GALNTL6: variants seen among roughly 807,000 people sequenced by gnomAD.
GALNTL6 encodes polypeptide N-acetylgalactosaminyltransferase-like 6.
A neutral mutation model predicts 73.7 loss-of-function variants in GALNTL6; 46 were observed. The observed-to-expected ratio is 0.62, with a 90% CI of 0.49 to 0.80. The LOEUF (loss-of-function observed/expected upper bound fraction) is 0.80. Ranked by LOEUF, GALNTL6 falls within the 30% of genes least tolerant of loss-of-function variation. GALNTL6 has a pLI of 0.00. For missense variants in GALNTL6, 604 were observed against 755.0 expected, an observed-to-expected ratio of 0.80 and a Z score of 2.34; for synonymous variants, 259 against 263.7, an observed-to-expected ratio of 0.98 and a Z score of 0.17.
At chr4:172,077,976 G>A (rs1397296881) in intron 2 of GALNTL6, among the ~76,000 whole-genome samples, 2 of 152,162 alleles carry the variant, frequency 1.3e-5, no homozygotes, top group Non-Finnish European at 2.9e-5. Context: ...AGGGACCAAG[G>A]TACAGCTTGG....
intron 7 of GALNTL6, among the ~76,000 whole-genome samples, chr4:172,817,128 G>C (rs1299510437): frequency 6.8e-6 from 1 of 148,034 alleles, no homozygotes; most frequent in Non-Finnish European, 1.5e-5. Context: ...AAAAAAGAAA[G>C]GAAGAAATAT....
chr4:172,042,186 A>C (rs1742104403), intron 2 of GALNTL6, among the ~76,000 whole-genome samples: 1 of 152,032 alleles, frequency 6.6e-6, no homozygotes, highest in South Asian at 2.1e-4. Context: ...GAAGTATAAT[A>C]ATAACAAATT....
chr4:171,954,879 G>A (rs1333319552), intron 2 of GALNTL6, among the ~76,000 whole-genome samples: 1 of 152,114 alleles, frequency 6.6e-6, no homozygotes, highest in Non-Finnish European at 1.5e-5. Context: ...CTCCTGCTCT[G>A]GCCATGTAAG....
chr4:172,160,633 G>C (rs1734426868), intron 2 of GALNTL6, among the ~76,000 whole-genome samples: 1 of 151,970 alleles, frequency 6.6e-6, no homozygotes, highest in African/African-American at 2.4e-5. Flanking sequence ...AAGAAAATGG[G>C]TGGCATTAGC....
chr4:172,696,126 G>T (rs886741687), intron 5 of GALNTL6, among the ~76,000 whole-genome samples: 2 of 152,250 alleles, frequency 1.3e-5, no homozygotes, highest in Admixed American at 6.5e-5. Context: ...AACTCTTTGA[G>T]AAATTTTCCT....
chr4:172,388,366 A>G (rs1274929426), intron 5 of GALNTL6, among the ~76,000 whole-genome samples: 3 of 152,180 alleles, frequency 2.0e-5, no homozygotes, highest in Admixed American at 1.3e-4. Context: ...AATCAATTCT[A>G]GTTGACACTT....
intron 5 of GALNTL6, among the ~76,000 whole-genome samples, chr4:172,479,317 TAC>T (rs60085866): frequency 7.9e-5 from 12 of 151,330 alleles, no homozygotes; most frequent in East Asian, 1.9e-4. Context: ...TGTGTATACA[TAC>T]ACACACACAC....
intron 2 of GALNTL6, among the ~76,000 whole-genome samples, chr4:171,865,965 T>A (rs947813107): frequency 6.6e-6 from 1 of 152,172 alleles, no homozygotes; most frequent in African/African-American, 2.4e-5. Context: ...GTGGAAGGCC[T>A]CCCAAATTAT....
intron 7 of GALNTL6, among the ~76,000 whole-genome samples, chr4:172,856,185 ATTC>A (rs1260189351): frequency 1.3e-5 from 2 of 152,218 alleles, no homozygotes; most frequent in Non-Finnish European, 1.5e-5. Flanking sequence ...ATGATTTACT[ATTC>A]TTCTTCTGAC....
chr4:172,770,387 T>C (rs1738696255), intron 5 of GALNTL6, among the ~76,000 whole-genome samples: 1 of 152,130 alleles, frequency 6.6e-6, no homozygotes. Context: ...ATTCTTTTAC[T>C]GTGAAGGAAT....
intron 2 of GALNTL6, among the ~76,000 whole-genome samples, chr4:171,965,015 T>A (rs546334155): frequency 7.2e-5 from 11 of 152,342 alleles, no homozygotes; most frequent in African/African-American, 2.6e-4. Flanking sequence ...CCTTTCTTTT[T>A]AATAAATTTC....
At chr4:172,154,173 G>A (rs985100492) in intron 2 of GALNTL6, among the ~76,000 whole-genome samples, 8 of 97,514 alleles carry the variant, frequency 8.2e-5, no homozygotes, top group Admixed American at 4.3e-4. Context: ...TTTTTTTTTC[G>A]TTTTCCATAA....
chr4:172,772,325 C>G (rs1457195744), intron 5 of GALNTL6, among the ~76,000 whole-genome samples: 2 of 152,112 alleles, frequency 1.3e-5, no homozygotes, highest in Non-Finnish European at 2.9e-5. Context: ...CTCCAGTCTT[C>G]TCAGCACGTT....
intron 5 of GALNTL6, among the ~76,000 whole-genome samples, chr4:172,590,447 C>G (rs74418035): frequency 0.029 from 4,374 of 152,126 alleles, 104 homozygotes; most frequent in South Asian, 0.085. Context: ...CCAAACCACA[C>G]CTTTGGAAAT....
chr4:172,732,427 T>G (rs114067490), intron 5 of GALNTL6, among the ~76,000 whole-genome samples: 1 of 152,190 alleles, frequency 6.6e-6, no homozygotes. Context: ...TCTTTACAGG[T>G]AAAGTGGGGT....
At chr4:172,513,128 G>T (rs1367363184) in intron 5 of GALNTL6, among the ~76,000 whole-genome samples, 1 of 151,888 alleles carries the variant, frequency 6.6e-6, no homozygotes, top group African/African-American at 2.4e-5. Context: ...CAGCCTTCTT[G>T]GTAGCTTTGT....
intron 3 of GALNTL6, among the ~76,000 whole-genome samples, chr4:172,295,012 A>G (rs1473824746): frequency 6.6e-6 from 1 of 152,238 alleles, no homozygotes; most frequent in Non-Finnish European, 1.5e-5. Context: ...AAATATATAG[A>G]TTCAGCATGA....
intron 10 of GALNTL6, among the ~76,000 whole-genome samples, chr4:172,963,194 C>T (rs1750164914): frequency 6.6e-6 from 1 of 152,132 alleles, no homozygotes. Context: ...ACTATTCCTG[C>T]AGCTTAGAAT....
chr4:172,491,845 T>C (rs927630560), intron 5 of GALNTL6, among the ~76,000 whole-genome samples: 9 of 152,210 alleles, frequency 5.9e-5, no homozygotes, highest in South Asian at 2.1e-4. Flanking sequence ...AATATGATGA[T>C]GGCATTGGTG....
Sources: allele counts gnomAD v4.1 joint callset (sites outside exome capture counted in the v4.1 genomes callset), GRCh38; gene constraint gnomAD v4.1.1; transcripts MANE v1.5; gene names NCBI Gene and HGNC (gene_info 2026-07-23, HGNC 2026-07-21).